Variants in TCERG1L observed in about 807,000 individuals in gnomAD.
The protein encoded by TCERG1L is transcription elongation regulator 1 like.
A neutral mutation model predicts 56.3 loss-of-function variants in TCERG1L; 37 were observed. The ratio of observed to expected loss-of-function variants is 0.66; its 90% CI spans 0.51 to 0.87. TCERG1L has a LOEUF of 0.87. Ranked by LOEUF, TCERG1L falls within the 40% of genes least tolerant of loss-of-function variation. The pLI, the probability that TCERG1L is intolerant of heterozygous loss-of-function variation, is 0.00. For missense variants in TCERG1L, 799 were observed against 774.2 expected (o/e 1.03, Z -0.38); for synonymous variants, 324 against 326.3 (o/e 0.99, Z 0.08).
intron 6 of TCERG1L, among the ~76,000 whole-genome samples, chr10:131,153,475 A>G (rs553009108): frequency 3.1e-4 from 47 of 152,306 alleles, no homozygotes; most frequent in Admixed American, 5.9e-4. Flanking sequence ...GGAATGCTCC[A>G]GGCGGCCCTA....
intron 4 of TCERG1L, among the ~76,000 whole-genome samples, chr10:131,212,573 G>T (rs1196108178): frequency 3.3e-5 from 5 of 152,172 alleles, no homozygotes; most frequent in African/African-American, 7.2e-5. Flanking sequence ...TGAGGGTCCA[G>T]GTGATTTTAC....
chr10:131,232,962 T>C (rs892710376), intron 4 of TCERG1L, among the ~76,000 whole-genome samples: 3 of 152,248 alleles, frequency 2.0e-5, no homozygotes, highest in Non-Finnish European at 4.4e-5. Context: ...GAATAATTTA[T>C]ACACACTACT....
chr10:131,224,446 C>T (rs1324253085), intron 4 of TCERG1L, among the ~76,000 whole-genome samples: 1 of 152,212 alleles, frequency 6.6e-6, no homozygotes, highest in Admixed American at 6.5e-5. Context: ...GCTTTGTACG[C>T]TTCCCTTCCC....
chr10:131,221,383 G>T (rs773380879), intron 4 of TCERG1L, among the ~76,000 whole-genome samples: 5 of 152,188 alleles, frequency 3.3e-5, no homozygotes, highest in African/African-American at 4.8e-5. Context: ...CCAAAAAAGT[G>T]CCCAGTGGGA....
At chr10:131,204,091 T>C (rs1185664122) in intron 4 of TCERG1L, among the ~76,000 whole-genome samples, 1 of 152,192 alleles carries the variant, frequency 6.6e-6, no homozygotes, top group East Asian at 1.9e-4. Context: ...AGCTAGGCCC[T>C]CTTAGCCCTT....
At chr10:131,214,017 C>T (rs1789867852) in intron 4 of TCERG1L, among the ~76,000 whole-genome samples, 2 of 148,642 alleles carry the variant, frequency 1.3e-5, no homozygotes, top group Non-Finnish European at 3.0e-5. Flanking sequence ...GGGATACAAA[C>T]ATGCTTTTAA....
At chr10:131,265,891 C>G (rs1322318710) in intron 3 of TCERG1L, among the ~76,000 whole-genome samples, 1 of 152,212 alleles carries the variant, frequency 6.6e-6, no homozygotes, top group Non-Finnish European at 1.5e-5. Context: ...CAAAAGAAGA[C>G]AACAGCAACG....
chr10:131,250,677 C>T (rs2133532279), intron 4 of TCERG1L, among the ~76,000 whole-genome samples: 1 of 152,236 alleles, frequency 6.6e-6, no homozygotes, highest in South Asian at 2.1e-4. Context: ...CGGGGCCTGC[C>T]CTAAAGCACC....
chr10:131,197,679 T>A (rs1424165254), intron 4 of TCERG1L, among the ~76,000 whole-genome samples: 1 of 152,178 alleles, frequency 6.6e-6, no homozygotes, highest in African/African-American at 2.4e-5. Context: ...AACACGTGCA[T>A]GCAGATAGCA....
chr10:131,204,411 C>T (rs1307495501), intron 4 of TCERG1L, among the ~76,000 whole-genome samples: 1 of 151,774 alleles, frequency 6.6e-6, no homozygotes, highest in East Asian at 1.9e-4. Flanking sequence ...CCCCACCCTG[C>T]CCCCGCATCT....
intron 7 of TCERG1L, among the ~76,000 whole-genome samples, chr10:131,138,291 C>T (rs1268805946): frequency 6.6e-6 from 1 of 152,044 alleles, no homozygotes; most frequent in Non-Finnish European, 1.5e-5. Flanking sequence ...AATAATAATA[C>T]CGAAAAATAA....
chr10:131,310,649 A>G (rs951652734), intron 1 of TCERG1L, among the ~76,000 whole-genome samples: 1 of 152,178 alleles, frequency 6.6e-6, no homozygotes, highest in Non-Finnish European at 1.5e-5. Context: ...CCCATGTCTT[A>G]AAAGCCAAAC....
intron 4 of TCERG1L, among the ~76,000 whole-genome samples, chr10:131,223,832 C>T (rs1171520329): frequency 6.6e-6 from 1 of 151,950 alleles, no homozygotes; most frequent in Non-Finnish European, 1.5e-5. Context: ...CCCACGAACC[C>T]TCCCCTGGCC....
intron 4 of TCERG1L, among the ~76,000 whole-genome samples, chr10:131,256,992 G>GGAAGAAAGAAAGAAAGAAA (rs1846173015): frequency 1.0e-4 from 6 of 59,170 alleles, no homozygotes; most frequent in African/African-American, 3.3e-4. Context: ...AAGGAAGGAA[G>GGAAGAAAGAAAGAAAGAAA]GAAAGAAAGA....
intron 4 of TCERG1L, among the ~76,000 whole-genome samples, chr10:131,230,807 A>ATGC (rs1403054019): frequency 6.6e-6 from 1 of 152,202 alleles, no homozygotes; most frequent in Non-Finnish European, 1.5e-5. Context: ...AGGGGAAAAG[A>ATGC]TGCTGCTGCT....
At chr10:131,212,760 G>A (rs1260779727) in intron 4 of TCERG1L, among the ~76,000 whole-genome samples, 1 of 152,330 alleles carries the variant, frequency 6.6e-6, no homozygotes, top group East Asian at 1.9e-4. Context: ...ATGCTAATAA[G>A]CAACCACAGA....
At chr10:131,269,539 G>A (rs1399481590) in intron 3 of TCERG1L, among the ~76,000 whole-genome samples, 1 of 152,184 alleles carries the variant, frequency 6.6e-6, no homozygotes, top group Non-Finnish European at 1.5e-5. Context: ...GGAGGCCCAA[G>A]GAGAGGGAGA....
At chr10:131,206,105 G>A (rs1205668267) in intron 4 of TCERG1L, among the ~76,000 whole-genome samples, 1 of 152,260 alleles carries the variant, frequency 6.6e-6, no homozygotes, top group Non-Finnish European at 1.5e-5. Context: ...TCCCAGGCGG[G>A]AGAACTGGCT....
At chr10:131,264,472 G>T (rs994613581) in intron 3 of TCERG1L, among the ~76,000 whole-genome samples, 6 of 152,220 alleles carry the variant, frequency 3.9e-5, no homozygotes, top group African/African-American at 1.4e-4. Flanking sequence ...CACCTGAGGA[G>T]TCGGGCTCCT....
Sources: allele counts gnomAD v4.1 joint callset (sites outside exome capture counted in the v4.1 genomes callset), GRCh38; gene constraint gnomAD v4.1.1; transcripts MANE v1.5; gene names NCBI Gene and HGNC (gene_info 2026-07-23, HGNC 2026-07-21).